CAMKK1: variants seen among roughly 807,000 people sequenced by gnomAD.
CAMKK1 encodes the protein calcium/calmodulin-dependent protein kinase kinase 1.
In CAMKK1, 20 loss-of-function variants were observed where a neutral mutation model predicts 63.5. That is an observed-to-expected ratio of 0.32 (90% CI 0.22 to 0.46). The LOEUF is 0.46. Among genes scored for constraint, CAMKK1 ranks in the 20% least tolerant of loss-of-function variants. CAMKK1 has a pLI of 1.00. For missense variants in CAMKK1, 588 were observed against 658.1 expected (o/e 0.89, Z 1.17); for synonymous variants, 253 against 269.0 (o/e 0.94, Z 0.58).
Position 3,865,982 on chromosome 17 carries a change from A to C in CAMKK1, c.1371T>G (p.Arg457=), listed in dbSNP as rs1446698200. The C allele has an allele frequency of 6.2e-7, 1 of 1,614,156 alleles. No homozygotes were observed. Among genetic ancestry groups the C allele is most frequent in the East Asian group, 2.2e-5 (1 of 44,878 alleles). ...GGGGCTCAAACGGGTTCCCAAAGGA[A>C]CGCTTCCTCAGCATGGACTTCACCA... ...VILVKSMLRK[R]SFGNPFEPQA... is the part of the protein sequence containing the mutation. The change falls in exon 15 of 16, where the codon CGT becomes CGG. Residue 457 remains arginine, a synonymous_variant. Coordinates refer to ENST00000348335, the MANE Select transcript of CAMKK1 (RefSeq NM_032294.3).
At chr17:3,880,093 G>C in intron 9 of CAMKK1, 1 of 520,334 alleles carries the variant, frequency 1.9e-6, no homozygotes, top group Non-Finnish European at 3.4e-6. Context: ...GAAAGATACA[G>C]AACAGCCAGG....
intron 12 of CAMKK1, among the ~76,000 whole-genome samples, chr17:3,871,347 G>GTTTTTTTTT (rs869219931): frequency 1.2e-4 from 13 of 104,360 alleles, no homozygotes; most frequent in Non-Finnish European, 1.5e-4. Context: ...TTTTTTTTTT[G>GTTTTTTTTT]TTTTTTTTTT....
chr17:3,872,824 C>T (rs2054951702), intron 11 of CAMKK1, among the ~76,000 whole-genome samples, 197 bp from the exon 12 acceptor site: 1 of 152,188 alleles, frequency 6.6e-6, no homozygotes, highest in South Asian at 2.1e-4. Flanking sequence ...AACAATGAGG[C>T]TGGGTGCATC....
In CAMKK1 at chr17:3,872,593, T is replaced by C; in HGVS notation, c.1085A>G (p.His362Arg). 6.2e-7 allele frequency: 1 copy of C among 1,613,958 alleles called. No homozygotes were observed. The highest frequency in any genetic ancestry group is 8.5e-7 in the Non-Finnish European group (1 of 1,179,870). The change falls in exon 12 of 16, where the codon CAC becomes CGC. Residue 362 changes from histidine to arginine, a missense_variant. Transcript: ENST00000348335. The part of the protein sequence containing the change: ...PFIDDFILAL[H>R]RKIKNEPVVF... The stretch of plus-strand genomic sequence containing the variant: ...CACGGGCTCATTCTTGATCTTCCTG[T>C]GGAGGGCCAGGATGAAATCGTCGAT...
Position 3,883,277 on chromosome 17 carries a change from G to C in CAMKK1, c.515-102C>G, listed in dbSNP as rs553307353. ...AAGAGTCTTGCATGCCCGTGGTCTT[G>C]TCCCAACCCACAGGGCACATTCTGT... is the stretch of plus-strand genomic sequence containing the variant. On this transcript the variant is annotated intron_variant, in intron 5 of 15. Transcript: ENST00000348335. The surrounding 1 kb of genome is among the most constrained non-coding windows in gnomAD (Gnocchi z 4.7). 3.9e-6 allele frequency: 6 copies of C among 1,539,932 alleles called. No homozygotes were observed. In the African/African-American group the frequency reaches 8.2e-5, roughly 21 times the overall value.
chr17:3,891,624 G>A (rs891940605), intron 1 of CAMKK1, among the ~76,000 whole-genome samples: 2 of 152,184 alleles, frequency 1.3e-5, no homozygotes, highest in African/African-American at 4.8e-5. Context: ...AGAGGCACCT[G>A]ATAGCAAGAG....
At chr17:3,874,434 C>T (rs140886111) in intron 10 of CAMKK1, among the ~76,000 whole-genome samples, 1,652 of 152,224 alleles carry the variant, frequency 0.011, 24 homozygotes, top group African/African-American at 0.038. Context: ...TGCAATAGCA[C>T]GATCTTAGCT....
intron 12 of CAMKK1, among the ~76,000 whole-genome samples, chr17:3,871,633 G>A (rs1371726028): frequency 6.7e-6 from 1 of 148,854 alleles, no homozygotes; most frequent in Non-Finnish European, 1.5e-5. Flanking sequence ...TGGAATTACA[G>A]GTGTGAGCCG....
intron 8 of CAMKK1, 133 bp from the exon 9 acceptor site, chr17:3,880,567 A>G (rs567832324): frequency 1.5e-6 from 1 of 646,070 alleles, no homozygotes; most frequent in African/African-American, 1.8e-5. Flanking sequence ...TTTCTGCTAC[A>G]TAATAAAAAA....
rs2055867388 is a variant in CAMKK1 at position 3,890,693 on chromosome 17, T to C, written c.-44+2246A>G. 1.3e-6 allele frequency: 1 copy of C among 779,444 alleles called. No individual in the cohort carries two copies. Among genetic ancestry groups the C allele is most frequent in the African/African-American group, 1.7e-5 (1 of 59,040 alleles). 48.3% of individuals were successfully genotyped at this position (779,444 alleles called of 1,614,324 possible). A position where few individuals can be genotyped will look rare whatever the true frequency, so the allele number is the denominator to read the frequency against. ...TTGCTCCCCACAACCCCACACTTACTCTCCACTGCAGCCACACCACAGCTT... is the reference window on the plus strand; with the variant it reads ...TTGCTCCCCACAACCCCACACTTACCCTCCACTGCAGCCACACCACAGCTT... On this transcript the variant is annotated intron_variant, in intron 1 of 15. Transcript: ENST00000348335. This position sits in a 1 kb window ranked among gnomAD's most constrained non-coding sequence, Gnocchi z 6.5.
intron 1 of CAMKK1, among the ~76,000 whole-genome samples, chr17:3,891,451 G>A (rs1032220392): frequency 2.6e-5 from 4 of 152,344 alleles, no homozygotes. Context: ...GACTGGAGCA[G>A]ACACCTGAAG....
At chr17:3,869,062 G>T (rs1185370264) in intron 14 of CAMKK1, among the ~76,000 whole-genome samples, 1 of 149,714 alleles carries the variant, frequency 6.7e-6, no homozygotes, top group Admixed American at 6.7e-5. Context: ...TCCACCTCCC[G>T]GGTTCACACC....
intron 14 of CAMKK1, among the ~76,000 whole-genome samples, chr17:3,867,953 T>C (rs2054602490): frequency 6.7e-6 from 1 of 148,336 alleles, no homozygotes; most frequent in Non-Finnish European, 1.5e-5. Flanking sequence ...ACAGGCACTG[T>C]CTAATGGATA....
chr17:3,863,366 C>A (rs1323640290), intron 15 of CAMKK1, among the ~76,000 whole-genome samples: 1 of 152,064 alleles, frequency 6.6e-6, no homozygotes, highest in Non-Finnish European at 1.5e-5. Context: ...GTGGTGGTGG[C>A]ATGCACCTGT....
At position 3,882,636 on chromosome 17, in the gene CAMKK1, C is replaced by A; in HGVS notation, c.649-72G>T. ...GGTTGGAGGTCCCAGGCCTCCTGGT[C>A]CTTGCCAGCCCCAGAACCCTTAGTA... On this transcript the variant is annotated intron_variant, in intron 6 of 15. Coordinates refer to ENST00000348335, the MANE Select transcript of CAMKK1 (RefSeq NM_032294.3). The surrounding 1 kb of genome is among the most constrained non-coding windows in gnomAD (Gnocchi z 4.3). 10 of 1,407,038 alleles carry A rather than the reference C, an allele frequency of 7.1e-6. No individual in the cohort carries two copies. Among genetic ancestry groups the A allele is most frequent in the Non-Finnish European group, 8.9e-6 (9 of 1,016,252 alleles). 87.2% of individuals were successfully genotyped at this position (1,407,038 alleles called of 1,614,324 possible).
chr17:3,876,507 G>T, intron 9 of CAMKK1, 85 bp from the exon 10 acceptor site: 1 of 1,231,156 alleles, frequency 8.1e-7, no homozygotes, highest in Non-Finnish European at 1.2e-6. Context: ...AGCCAGGGAC[G>T]CCGGCCGGGA....
At chr17:3,891,116 G>GC (rs1328419635) in intron 1 of CAMKK1, among the ~76,000 whole-genome samples, 1 of 151,828 alleles carries the variant, frequency 6.6e-6, no homozygotes, top group African/African-American at 2.4e-5. Flanking sequence ...GGTTGGGGGG[G>GC]GGGTCACAGG....
chr17:3,883,899 A>G lies in CAMKK1; in HGVS notation c.447T>C (p.Ser149=). 1 of 1,613,552 alleles carries G rather than the reference A, an allele frequency of 6.2e-7. No homozygotes were observed. The highest frequency in any genetic ancestry group is 8.5e-7 in the Non-Finnish European group (1 of 1,179,904). The change falls in exon 4 of 16, where the codon AGT becomes AGC. Residue 149 remains serine (S), a synonymous_variant. Transcript: ENST00000348335. The surrounding 1 kb of genome is among the most constrained non-coding windows in gnomAD (Gnocchi z 4.7). ...YGVVRLAYNE[S]EDRHYAMKVL... ...CCAGACTCACATAGTGTCTGTCTTCACTTTCGTTGTAGGCCAGCCTCACCA... is the reference window on the plus strand; with the variant it reads ...CCAGACTCACATAGTGTCTGTCTTCGCTTTCGTTGTAGGCCAGCCTCACCA...
rs540785207 is a variant in CAMKK1 at position 3,884,613 on chromosome 17, C to T, written c.361-186G>A. Among the ~76,000 whole-genome samples, 15 of 152,326 alleles carry T rather than the reference C, an allele frequency of 9.8e-5. No individual in the cohort carries two copies. Among genetic ancestry groups the T allele is most frequent in the African/African-American group, 3.6e-4 (15 of 41,564 alleles). On this transcript the variant is annotated intron_variant, in intron 2 of 15. Transcript: ENST00000348335. The surrounding 1 kb of genome is among the most constrained non-coding windows in gnomAD (Gnocchi z 4.5). ...ATCGCCCCCGTATGTGACGAGAAGACGTGGCTCATGTTTGAAAACATGGAT... is the reference window on the plus strand; with the variant it reads ...ATCGCCCCCGTATGTGACGAGAAGATGTGGCTCATGTTTGAAAACATGGAT...
Sources: gnomAD v4.1 joint callset for allele counts (sites outside exome capture counted in the v4.1 genomes callset) on GRCh38, gnomAD v4.1.1 for gene constraint, Gnocchi (gnomAD v3.1) non-coding constraint, MANE v1.5 for transcripts, NCBI Gene and HGNC (gene_info 2026-07-23, HGNC 2026-07-21) for gene names.